Variants in GPC5 observed in about 807,000 individuals in gnomAD.
The protein encoded by GPC5 is glypican 5.
A neutral mutation model predicts 53.9 loss-of-function variants in GPC5; 47 were observed. The ratio of observed to expected loss-of-function variants is 0.87; its 90% CI spans 0.69 to 1.11. GPC5 has a LOEUF of 1.11. GPC5 is among the 50% of genes most tolerant of loss of function. The probability of loss-of-function intolerance (pLI) is 0.00; values close to 1 mark genes in which losing one functional copy is unlikely to be tolerated. For synonymous variants in GPC5, 286 were observed against 263.3 expected (o/e 1.09, Z -0.84); for missense variants, 748 against 713.1 (o/e 1.05, Z -0.56).
At chr13:92,756,090 T>A (rs894533341) in intron 7 of GPC5, among the ~76,000 whole-genome samples, 9 of 151,858 alleles carry the variant, frequency 5.9e-5, no homozygotes, top group Non-Finnish European at 1.2e-4. Flanking sequence ...AATAAAATAC[T>A]GGCAAAACGA....
chr13:92,442,092 C>T (rs1407717987), intron 7 of GPC5, among the ~76,000 whole-genome samples: 4 of 152,004 alleles, frequency 2.6e-5, no homozygotes, highest in Non-Finnish European at 5.9e-5. Flanking sequence ...AGTGAAATCT[C>T]GAGACAAATA....
intron 3 of GPC5, among the ~76,000 whole-genome samples, chr13:91,725,391 A>G (rs983407291): frequency 6.6e-6 from 1 of 152,166 alleles, no homozygotes; most frequent in South Asian, 2.1e-4. Context: ...GCAAGAAGGT[A>G]CTAGTATTGA....
At chr13:92,560,693 C>T (rs2139028361) in intron 7 of GPC5, among the ~76,000 whole-genome samples, 1 of 152,076 alleles carries the variant, frequency 6.6e-6, no homozygotes, top group South Asian at 2.1e-4. Flanking sequence ...CACATGAAAT[C>T]TAATTTCTGC....
intron 7 of GPC5, among the ~76,000 whole-genome samples, chr13:92,472,701 C>A (rs1878958525): frequency 1.3e-5 from 2 of 152,044 alleles, no homozygotes; most frequent in East Asian, 3.9e-4. Context: ...AATGCACTAT[C>A]TGAGGTATAG....
chr13:91,704,661 T>C (rs186546806), intron 3 of GPC5, among the ~76,000 whole-genome samples: 1 of 152,292 alleles, frequency 6.6e-6, no homozygotes, highest in African/African-American at 2.4e-5. Context: ...TCACTCAAGA[T>C]GGGACAAGGA....
chr13:91,432,784 T>C (rs1408249), intron 1 of GPC5, among the ~76,000 whole-genome samples: 5 of 152,210 alleles, frequency 3.3e-5, no homozygotes, highest in Non-Finnish European at 7.3e-5. Context: ...GAAAAATATT[T>C]GTAAAAATAT....
At position 92,233,927 on chromosome 13, in the gene GPC5, C is replaced by A. The variant is rs71427539; in HGVS notation, c.1561+88938C>A. On this transcript the variant is annotated intron_variant, in intron 7 of 7. Coordinates refer to ENST00000377067, the MANE Select transcript of GPC5 (RefSeq NM_004466.6). Reference sequence around the variant, plus strand: ...TCTGGTGTTTGGTTTTTTGTCCTTGCGATAGTTTGCTGAGAATGATGGTTT... The same window carrying A: ...TCTGGTGTTTGGTTTTTTGTCCTTGAGATAGTTTGCTGAGAATGATGGTTT... 4.4e-3 allele frequency among the ~76,000 whole-genome samples: 675 copies of A among 151,768 alleles called. 8 individuals are homozygous for A. Among genetic ancestry groups the A allele is most frequent in the African/African-American group, 0.015 (604 of 41,382 alleles).
At chr13:91,643,167 G>A (rs1035701119) in intron 2 of GPC5, among the ~76,000 whole-genome samples, 1 of 152,064 alleles carries the variant, frequency 6.6e-6, no homozygotes, top group Non-Finnish European at 1.5e-5. Context: ...GAAAAGCAAG[G>A]GGTAAGAAAG....
chr13:92,084,739 T>C (rs572301515), intron 6 of GPC5, among the ~76,000 whole-genome samples: 2 of 152,332 alleles, frequency 1.3e-5, no homozygotes, highest in South Asian at 2.1e-4. Flanking sequence ...TATATATTTG[T>C]ATACAGTAAT....
chr13:92,838,313 T>C (rs1484535974), intron 7 of GPC5, among the ~76,000 whole-genome samples: 1 of 151,026 alleles, frequency 6.6e-6, no homozygotes, highest in Non-Finnish European at 1.5e-5. Flanking sequence ...TGAAACCCCG[T>C]CTCTACTAAA....
At chr13:91,513,367 T>C (rs1885335921) in intron 2 of GPC5, among the ~76,000 whole-genome samples, 1 of 152,074 alleles carries the variant, frequency 6.6e-6, no homozygotes, top group South Asian at 2.1e-4. Context: ...TGTGTGTGTG[T>C]GTGTGTGTGT....
intron 7 of GPC5, among the ~76,000 whole-genome samples, chr13:92,511,709 T>C (rs372231872): frequency 6.6e-6 from 1 of 152,202 alleles, no homozygotes. Flanking sequence ...TATAAAGTCA[T>C]TTTGTTGCCA....
At chr13:91,965,013 C>A (rs1470632050) in intron 6 of GPC5, among the ~76,000 whole-genome samples, 1 of 141,772 alleles carries the variant, frequency 7.1e-6, no homozygotes, top group African/African-American at 2.6e-5. Context: ...TATTCTCACT[C>A]GTAGGTGGGA....
intron 7 of GPC5, among the ~76,000 whole-genome samples, chr13:92,538,469 T>G (rs911608649): frequency 8.6e-5 from 13 of 151,314 alleles, no homozygotes; most frequent in African/African-American, 3.2e-4. Context: ...CTTTCTTTTT[T>G]TTTTTAATTA....
chr13:92,378,381 G>T (rs2043711661), intron 7 of GPC5, among the ~76,000 whole-genome samples: 1 of 152,120 alleles, frequency 6.6e-6, no homozygotes, highest in South Asian at 2.1e-4. Context: ...TGAAAAGGAG[G>T]TTGGAATTAC....
intron 7 of GPC5, among the ~76,000 whole-genome samples, chr13:92,575,853 T>C (rs1295355558): frequency 2.6e-5 from 4 of 152,186 alleles, no homozygotes; most frequent in South Asian, 2.1e-4. Context: ...TCAGGCTAGA[T>C]TGAAGAGAAA....
chr13:92,381,839 T>TA (rs1566565125), intron 7 of GPC5, among the ~76,000 whole-genome samples: 5 of 72,588 alleles, frequency 6.9e-5, no homozygotes, highest in Non-Finnish European at 1.5e-4. Context: ...ATATATTATA[T>TA]TGTATATGAT....
chr13:92,855,852 G>T (rs572029416), intron 7 of GPC5, among the ~76,000 whole-genome samples: 1 of 151,824 alleles, frequency 6.6e-6, no homozygotes, highest in Admixed American at 6.6e-5. Flanking sequence ...AATTAAATCC[G>T]TAATAAATTT....
At chr13:91,728,330 C>T (rs902182365) in intron 3 of GPC5, among the ~76,000 whole-genome samples, 1 of 152,070 alleles carries the variant, frequency 6.6e-6, no homozygotes, top group African/African-American at 2.4e-5. Context: ...CCATGACATC[C>T]ATTTATCATA....
Sources: allele counts gnomAD v4.1 joint callset (sites outside exome capture counted in the v4.1 genomes callset), GRCh38; gene constraint gnomAD v4.1.1; transcripts MANE v1.5; gene names NCBI Gene and HGNC (gene_info 2026-07-23, HGNC 2026-07-21).